Variants in PGA3 observed in about 807,000 individuals in gnomAD.
PGA3 encodes pepsinogen A3, also known as pepsin A-3.
In PGA3, 1 loss-of-function variant was observed where a neutral mutation model predicts 15.6. That is an observed-to-expected ratio of 0.06 (90% CI 0.02 to 0.30). The LOEUF is 0.30. PGA3 is among the 10% of genes least tolerant of loss of function. The pLI, the probability that PGA3 is intolerant of heterozygous loss-of-function variation, is 1.00. For missense variants in PGA3, 29 were observed against 183.7 expected (o/e 0.16, Z 4.87); for synonymous variants, 14 against 79.5 (o/e 0.18, Z 4.38).
chr11:61,203,724 C>A (rs941364757), intron 1 of PGA3, 104 bp downstream of exon 1: 14 of 1,589,492 alleles, frequency 8.8e-6, no homozygotes, highest in Middle Eastern at 4.6e-4. Context: ...ATTCAGCTGT[C>A]TCCATCCCCC....
chr11:61,205,419 T>G (rs904085148), intron 2 of PGA3, among the ~76,000 whole-genome samples: 1 of 152,176 alleles, frequency 6.6e-6, no homozygotes, highest in African/African-American at 2.4e-5. Context: ...AACAACCATG[T>G]AAGAGAATTT....
Position 61,203,543 on chromosome 11 carries a change from G to T in PGA3, c.-22G>T. The T allele has an allele frequency of 6.2e-7, 1 of 1,611,712 alleles. No homozygotes were observed. Among genetic ancestry groups the T allele is most frequent in the Non-Finnish European group, 8.5e-7 (1 of 1,179,642 alleles). ...TTCCTCCCGTCTTGCCTTCTCCCTC[G>T]AGTTGGGACCCGGGAAGAACCATGA... On this transcript the variant is annotated 5_prime_UTR_variant, in exon 1 of 9. Transcript: ENST00000325558.
At chr11:61,205,915 G>T (rs1853922213) in intron 2 of PGA3, 1 of 98,082 alleles carries the variant, frequency 1.0e-5, no homozygotes, top group Non-Finnish European at 2.3e-5. Flanking sequence ...GAGAATCACT[G>T]GAACCCAGGA....
chr11:61,204,549 T>A (rs768772706), intron 2 of PGA3: 1,491 of 530,772 alleles, frequency 2.8e-3, no homozygotes, highest in Non-Finnish European at 4.1e-3. Flanking sequence ...GTGAGCAAAC[T>A]CATAGCCTAG....
chr11:61,203,517 CT>C lies in PGA3; in HGVS notation c.-46del, dbSNP rs1853887858. The C allele has an allele frequency of 6.2e-7, 1 of 1,611,166 alleles. No individual in the cohort carries two copies. Among genetic ancestry groups the C allele is most frequent in the South Asian group, 1.1e-5 (1 of 90,988 alleles). On this transcript the variant is annotated 5_prime_UTR_variant, in exon 1 of 9. Transcript: ENST00000325558. ...GGCAGCTCATGCTGCTGCTCTGCAC[CT>C]TCCTCCCGTCTTGCCTTCTCCCTCG...
At chr11:61,205,278 G>T (rs375581782) in intron 2 of PGA3, among the ~76,000 whole-genome samples, 2 of 151,812 alleles carry the variant, frequency 1.3e-5, no homozygotes, top group Non-Finnish European at 2.9e-5. Flanking sequence ...CTTAATTAGC[G>T]CATTTATTTA....
At chr11:61,203,792 C>CT in intron 1 of PGA3, 172 bp downstream of exon 1, 2 of 1,096,068 alleles carry the variant, frequency 1.8e-6, no homozygotes, top group East Asian at 4.9e-5. Flanking sequence ...GGTTAAAACT[C>CT]GGGCCCAGCC....
chr11:61,205,277 C>T (rs1222623032), intron 2 of PGA3, among the ~76,000 whole-genome samples: 14 of 151,780 alleles, frequency 9.2e-5, no homozygotes, highest in African/African-American at 2.2e-4. Flanking sequence ...GCTTAATTAG[C>T]GCATTTATTT....
intron 2 of PGA3, among the ~76,000 whole-genome samples, chr11:61,205,171 C>T (rs1490989611): frequency 6.6e-6 from 1 of 151,924 alleles, no homozygotes; most frequent in Non-Finnish European, 1.5e-5. Context: ...GAAAACAGAA[C>T]CACTAATATC....
chr11:61,211,046 T>A (rs1367602982), intron 6 of PGA3, 44 bp from the exon 7 acceptor site: 21 of 269,370 alleles, frequency 7.8e-5, no homozygotes, highest in South Asian at 4.3e-4. Flanking sequence ...TGGAGAGAAG[T>A]ACCCCTGAGA....
At chr11:61,205,892 G>T (rs1853921746) in intron 2 of PGA3, 1 of 91,502 alleles carries the variant, frequency 1.1e-5, no homozygotes, top group African/African-American at 4.2e-5. Context: ...AGCTACTTGG[G>T]AGGTTGAGGC....
intron 2 of PGA3, among the ~76,000 whole-genome samples, chr11:61,205,051 G>A (rs1204242540): frequency 6.6e-6 from 1 of 152,204 alleles, no homozygotes; most frequent in African/African-American, 2.4e-5. Flanking sequence ...GTGGTTCAGA[G>A]ACTGGCCTCT....
chr11:61,203,696 C>T (rs1853891874), intron 1 of PGA3, 76 bp downstream of exon 1: 10 of 1,606,402 alleles, frequency 6.2e-6, no homozygotes, highest in South Asian at 5.5e-5. Flanking sequence ...TTCCTTCTTC[C>T]CTTTTTTCTC....
At chr11:61,203,824 G>A (rs896753666) in intron 1 of PGA3, 2 of 823,186 alleles carry the variant, frequency 2.4e-6, no homozygotes, top group Non-Finnish European at 3.9e-6. Flanking sequence ...CCCAGCTCCA[G>A]CCCTAGTCAG....
chr11:61,203,575 T>C lies in PGA3; in HGVS notation c.11T>C (p.Leu4Pro), dbSNP rs1179423424. MKW[L>P]LLLGLVALSE... ...GACCCGGGAAGAACCATGAAGTGGC[T>C]GCTGCTGCTGGGTCTGGTGGCACTC... Residue 4 changes from leucine to proline, a missense_variant, in exon 1 of 9, where the codon CTG becomes CCG. Physicochemically the swap from Leu to Pro is moderately conservative, Grantham distance 98. This residue lies in a region of PGA3 where 19 missense variants were observed against 77.9 expected (regional missense o/e 0.24). Transcript: ENST00000325558. The C allele has an allele frequency of 4.3e-6, 7 of 1,610,022 alleles. No homozygotes were observed. The highest frequency in any genetic ancestry group is 5.9e-6 in the Non-Finnish European group (7 of 1,178,310).
At chr11:61,205,890 G>C (rs1032608931) in intron 2 of PGA3, 3 of 91,246 alleles carry the variant, frequency 3.3e-5, no homozygotes, top group Non-Finnish European at 7.4e-5. Flanking sequence ...TCAGCTACTT[G>C]GGAGGTTGAG....
intron 1 of PGA3, 75 bp downstream of exon 1, chr11:61,203,695 C>A: frequency 6.2e-7 from 1 of 1,606,952 alleles, no homozygotes; most frequent in East Asian, 2.2e-5. Context: ...CTTCCTTCTT[C>A]CCTTTTTTCT....
chr11:61,205,179 A>G (rs1204943317), intron 2 of PGA3, among the ~76,000 whole-genome samples: 1 of 151,834 alleles, frequency 6.6e-6, no homozygotes, highest in Non-Finnish European at 1.5e-5. Context: ...AACCACTAAT[A>G]TCTACCGTCA....
intron 8 of PGA3, 122 bp downstream of exon 8, chr11:61,211,557 T>C (rs1590583491): frequency 7.7e-7 from 1 of 1,303,424 alleles, no homozygotes; most frequent in East Asian, 2.3e-5. Flanking sequence ...CAGACGAACA[T>C]CTGCCCTAGA....
Sources: gnomAD v4.1 joint callset for allele counts (sites outside exome capture counted in the v4.1 genomes callset) on GRCh38, gnomAD v4.1.1 for gene constraint, gnomAD v4.1.1 regional missense constraint, MANE v1.5 for transcripts, NCBI Gene and HGNC (gene_info 2026-07-23, HGNC 2026-07-21) for gene names.